ATP13A3: variants seen among roughly 807,000 people sequenced by gnomAD.
ATP13A3 encodes polyamine-transporting ATPase 13A3.
ATP13A3 carries 59 observed loss-of-function variants against 158.1 expected under a neutral mutation model. That is an observed-to-expected ratio of 0.37 (90% CI 0.30 to 0.46). The LOEUF (loss-of-function observed/expected upper bound fraction) is 0.46, where lower values mean the gene tolerates loss of function less well. Among genes scored for constraint, ATP13A3 ranks in the 20% least tolerant of loss-of-function variants. ATP13A3 has a pLI of 1.00. For missense variants in ATP13A3, 1,166 were observed against 1,525.2 expected, an observed-to-expected ratio of 0.76 and a Z score of 3.92; for synonymous variants, 491 against 504.3, an observed-to-expected ratio of 0.97 and a Z score of 0.35.
intron 30 of ATP13A3, among the ~76,000 whole-genome samples, chr3:194,422,865 T>TC (rs1158366492): frequency 1.3e-5 from 2 of 151,378 alleles, no homozygotes; most frequent in African/African-American, 4.9e-5. Flanking sequence ...TCTCCCCTTA[T>TC]CCAGTTATGT....
Position 194,428,911 on chromosome 3 carries a change from T to C in ATP13A3, c.2881A>G (p.Ser961Gly), listed in dbSNP as rs997053687. Residue 961 changes from serine to glycine, a missense_variant, in exon 28 of 34, where the codon AGT becomes GGT. Transcript: ENST00000645319. ...FSVTLLYSIL[S>G]NLGDFQFLFI... is the part of the protein sequence containing the mutation. ...AGAAACTGGAAGTCTCCTAGGTTAC[T>C]TAAGATCTACAGAAGTAATTTTAAA... is the stretch of plus-strand genomic sequence containing the variant. The C allele has an allele frequency of 6.3e-7, 1 of 1,577,502 alleles. No individual in the cohort carries two copies.
At chr3:194,412,634 C>A (rs7617420) in intron 32 of ATP13A3, 40,163 of 243,452 alleles carry the variant, frequency 0.16, 5,780 homozygotes, top group African/African-American at 0.43. Context: ...TTCTATATCC[C>A]TATCTATAGA....
intron 33 of ATP13A3, among the ~76,000 whole-genome samples, chr3:194,410,937 GGTGTGTGTGTGTGTGTGTGT>G (rs34952393): frequency 1.6e-5 from 2 of 127,230 alleles, no homozygotes; most frequent in Non-Finnish European, 3.2e-5. Context: ...GGGGTGTTGG[GGTGTGTGTGTGTGTGTGTGT>G]GTGTGTGTGT....
intron 20 of ATP13A3, among the ~76,000 whole-genome samples, chr3:194,436,542 A>G (rs1717648636): frequency 6.6e-6 from 1 of 152,254 alleles, no homozygotes. Context: ...TAATTAACAA[A>G]TTGAAAACAG....
chr3:194,428,812 C>T, intron 28 of ATP13A3, 33 bp downstream of exon 28: 1 of 1,479,886 alleles, frequency 6.8e-7, no homozygotes, highest in South Asian at 1.2e-5. Context: ...ATTTCATACA[C>T]TTTAAAAATC....
intron 20 of ATP13A3, among the ~76,000 whole-genome samples, chr3:194,436,698 A>C (rs1717659909): frequency 1.3e-5 from 2 of 152,246 alleles, no homozygotes; most frequent in Admixed American, 1.3e-4. Context: ...AAATATAAAA[A>C]TTAGTCAGGT....
At position 194,437,344 on chromosome 3, in the gene ATP13A3, C is replaced by T. The variant is rs761272945; in HGVS notation, c.1966G>A (p.Glu656Lys). 5 of 1,614,072 alleles carry T rather than the reference C, an allele frequency of 3.1e-6. No homozygotes were observed. In the African/African-American group the frequency reaches 6.7e-5, roughly 22 times the overall value. The stretch of plus-strand genomic sequence containing the variant: ...GGTTTACAGAGACCGGCAATGGCCT[C>T]GGGCGCTCCTTTCATGTAGGCGTCC... ...KMDAYMKGAPEAIAGLCKPET... is the reference protein window; with the variant it reads ...KMDAYMKGAPKAIAGLCKPET... The change falls in exon 19 of 34, where the codon GAG becomes AAG. Residue 656 changes from glutamate (E) to lysine (K), a missense_variant. Glu to Lys is a moderately conservative substitution (Grantham distance 56). Transcript: ENST00000645319.
At chr3:194,474,385 C>A (rs988644953) in intron 2 of ATP13A3, among the ~76,000 whole-genome samples, 1 of 152,042 alleles carries the variant, frequency 6.6e-6, no homozygotes, top group African/African-American at 2.4e-5. Context: ...AACACCTGGG[C>A]TCAAGGGATC....
At chr3:194,447,204 T>C (rs1718464848) in intron 13 of ATP13A3, 89 bp from the exon 14 acceptor site, 8 of 1,102,386 alleles carry the variant, frequency 7.3e-6, no homozygotes, top group Non-Finnish European at 1.0e-5. Context: ...CTGTAAGCCA[T>C]TTTCAATTGT....
At chr3:194,433,956 A>G (rs775353597) in intron 20 of ATP13A3, 60 bp from the exon 21 acceptor site, 37 of 1,503,370 alleles carry the variant, frequency 2.5e-5, no homozygotes, top group Non-Finnish European at 3.4e-5. Context: ...CAACTTATGT[A>G]CACAAACTTG....
chr3:194,420,434 T>C (rs1483735512), intron 30 of ATP13A3: 1 of 153,412 alleles, frequency 6.5e-6, no homozygotes, highest in East Asian at 1.9e-4. Context: ...ATTTTCAGTA[T>C]TGGGTATGTC....
chr3:194,433,998 T>A, intron 20 of ATP13A3, 102 bp from the exon 21 acceptor site: 1 of 1,225,836 alleles, frequency 8.2e-7, no homozygotes, highest in Middle Eastern at 2.6e-4. Flanking sequence ...TGTCTATAAG[T>A]TATAATGCAG....
chr3:194,457,061 GAGA>G, intron 7 of ATP13A3, 30 bp downstream of exon 7: 1 of 1,529,078 alleles, frequency 6.5e-7, no homozygotes, highest in Non-Finnish European at 9.0e-7. Flanking sequence ...TAGGAATTTT[GAGA>G]AGATCTAACT....
intron 31 of ATP13A3, chr3:194,419,671 A>G (rs1306946334): frequency 1.2e-5 from 8 of 654,842 alleles, no homozygotes; most frequent in Non-Finnish European, 1.3e-5. Flanking sequence ...ATTTGTTTGC[A>G]GACAAATGAA....
chr3:194,416,380 C>T (rs1358152985), intron 31 of ATP13A3, among the ~76,000 whole-genome samples: 1 of 152,050 alleles, frequency 6.6e-6, no homozygotes, highest in East Asian at 1.9e-4. Context: ...ATTGCTTGAA[C>T]CCGGGAGGTG....
chr3:194,477,715 C>G (rs547895925), intron 2 of ATP13A3, among the ~76,000 whole-genome samples: 1 of 152,314 alleles, frequency 6.6e-6, no homozygotes, highest in South Asian at 2.1e-4. Context: ...GGAGTGGACA[C>G]TCTATCGCAC....
chr3:194,454,336 A>C lies in ATP13A3; in HGVS notation c.687T>G (p.Asp229Glu). The C allele has an allele frequency of 6.2e-7, 1 of 1,608,680 alleles. No individual in the cohort carries two copies. Among genetic ancestry groups the C allele is most frequent in the Non-Finnish European group, 8.5e-7 (1 of 1,175,226 alleles). The change falls in exon 9 of 34, where the codon GAT becomes GAG. Residue 229 changes from aspartate to glutamate, a missense_variant. Coordinates refer to ENST00000645319, the MANE Select transcript of ATP13A3 (RefSeq NM_001367549.1). ...TAGCTAGAGCATAGTAATAGTATTC[A>C]TCAGTGCTCCACAGTATAACACTGA... ...QLFSVILWST[D>E]EYYYYALAIV...
In ATP13A3 at chr3:194,448,368, G is replaced by A; in HGVS notation, c.1150+89C>T. On this transcript the variant is annotated intron_variant, in intron 12 of 33. Transcript: ENST00000645319. The surrounding 1 kb of genome is among the most constrained non-coding windows in gnomAD (Gnocchi z 4.0). ...GCTGGGATTACAGGCGTTAGCCACA[G>A]CACCCAGCCCAGAATCTCTTTTTAA... The A allele has an allele frequency of 6.8e-7, 1 of 1,474,222 alleles. No homozygotes were observed. Among genetic ancestry groups the A allele is most frequent in the Non-Finnish European group, 9.4e-7 (1 of 1,066,478 alleles). 91.3% of individuals were successfully genotyped at this position (1,474,222 alleles called of 1,614,324 possible).
At chr3:194,475,344 C>G (rs969921060) in intron 2 of ATP13A3, among the ~76,000 whole-genome samples, 4 of 152,190 alleles carry the variant, frequency 2.6e-5, no homozygotes, top group South Asian at 4.1e-4. Flanking sequence ...ATATTTCACT[C>G]TTCCAGATTC....
Sources: gnomAD v4.1 joint callset for allele counts (sites outside exome capture counted in the v4.1 genomes callset) on GRCh38, gnomAD v4.1.1 for gene constraint, Gnocchi (gnomAD v3.1) non-coding constraint, MANE v1.5 for transcripts, NCBI Gene and HGNC (gene_info 2026-07-23, HGNC 2026-07-21) for gene names.